The following RBMS3 variants were observed in gnomAD, a reference collection of about 807,000 sequenced individuals.
RBMS3 encodes the protein RNA-binding motif, single-stranded-interacting protein 3.
RBMS3 carries 27 observed loss-of-function variants against 66.8 expected under a neutral mutation model. The observed-to-expected ratio is 0.40, with a 90% CI of 0.30 to 0.56. The LOEUF (loss-of-function observed/expected upper bound fraction) is 0.56. Among genes scored for constraint, RBMS3 ranks in the 20% least tolerant of loss-of-function variants. The pLI is 0.40. For missense variants in RBMS3, 513 were observed against 549.5 expected, an observed-to-expected ratio of 0.93 and a Z score of 0.66; for synonymous variants, 188 against 183.0, an observed-to-expected ratio of 1.03 and a Z score of -0.22.
intron 10 of RBMS3, among the ~76,000 whole-genome samples, chr3:29,929,835 T>C (rs2061060513): frequency 6.6e-6 from 1 of 152,060 alleles, no homozygotes; most frequent in Non-Finnish European, 1.5e-5. Context: ...CCAAATATCA[T>C]GCCAATTAGT....
intron 1 of RBMS3, among the ~76,000 whole-genome samples, chr3:29,295,344 T>TACAC (rs1230884878): frequency 4.2e-5 from 6 of 143,840 alleles, no homozygotes; most frequent in African/African-American, 1.5e-4. Context: ...CATATATATA[T>TACAC]ACATATATAT....
chr3:29,385,116 C>T (rs1177372181), intron 1 of RBMS3, among the ~76,000 whole-genome samples: 1 of 152,150 alleles, frequency 6.6e-6, no homozygotes. Context: ...TCCAGCATTA[C>T]CTGATGGTGT....
intron 4 of RBMS3, among the ~76,000 whole-genome samples, chr3:29,707,941 C>T (rs1440519): frequency 0.12 from 18,256 of 152,098 alleles, 2,342 homozygotes; most frequent in African/African-American, 0.32. Context: ...TAAGTTTCAT[C>T]GAACATCAAG....
chr3:29,355,704 A>T (rs1033302297), intron 1 of RBMS3, among the ~76,000 whole-genome samples: 2 of 152,146 alleles, frequency 1.3e-5, no homozygotes, highest in South Asian at 2.1e-4. Flanking sequence ...ATATGCCTTC[A>T]TTTCCAAAAT....
Position 29,392,370 on chromosome 3 carries a change from G to GT in RBMS3, c.76-42371dup, listed in dbSNP as rs543833260. On this transcript the variant is annotated intron_variant, in intron 1 of 14. Transcript: ENST00000383767. ...CTACCTGAAATAATCTTATTTTTTG[G>GT]TTACTTGTTTATTCCATCTCATCCA... Among the ~76,000 whole-genome samples, 8 of 152,166 alleles carry GT rather than the reference G, an allele frequency of 5.3e-5. No homozygotes were observed. In the South Asian group the frequency reaches 1.5e-3, roughly 28 times the overall value.
intron 10 of RBMS3, among the ~76,000 whole-genome samples, chr3:29,911,061 A>G (rs1384397385): frequency 1.3e-5 from 2 of 152,104 alleles, no homozygotes; most frequent in African/African-American, 4.8e-5. Context: ...AGGTATGTGC[A>G]AAGTCTATAA....
intron 6 of RBMS3, among the ~76,000 whole-genome samples, chr3:29,845,746 A>G (rs1036580630): frequency 6.6e-6 from 1 of 152,222 alleles, no homozygotes. Context: ...ATAAAAATAA[A>G]CTGTAATTTC....
intron 1 of RBMS3, among the ~76,000 whole-genome samples, chr3:29,401,011 A>G (rs973530274): frequency 1.3e-5 from 2 of 152,146 alleles, no homozygotes; most frequent in East Asian, 1.9e-4. Context: ...GATATAATCA[A>G]TATTGCTGTG....
intron 1 of RBMS3, among the ~76,000 whole-genome samples, chr3:29,322,384 T>C (rs2125493830): frequency 1.3e-5 from 2 of 152,236 alleles, no homozygotes; most frequent in South Asian, 4.1e-4. Context: ...TATAATCACT[T>C]TGGATGCCTT....
chr3:29,942,753 A>T (rs1281177647), intron 11 of RBMS3, among the ~76,000 whole-genome samples: 1 of 151,746 alleles, frequency 6.6e-6, no homozygotes, highest in Non-Finnish European at 1.5e-5. Flanking sequence ...TATTTATTTT[A>T]AAATGTCATA....
intron 6 of RBMS3, among the ~76,000 whole-genome samples, chr3:29,839,021 G>A (rs2058599060): frequency 6.6e-6 from 1 of 152,106 alleles, no homozygotes; most frequent in Non-Finnish European, 1.5e-5. Flanking sequence ...CCTCATTACG[G>A]GGTAAGTTCT....
intron 6 of RBMS3, among the ~76,000 whole-genome samples, chr3:29,838,331 C>A (rs985317203): frequency 6.6e-6 from 1 of 151,628 alleles, no homozygotes; most frequent in Non-Finnish European, 1.5e-5. Context: ...AGAGTGAGAC[C>A]CTGTCCAAAA....
At chr3:29,372,888 A>C (rs975389538) in intron 1 of RBMS3, among the ~76,000 whole-genome samples, 5 of 151,836 alleles carry the variant, frequency 3.3e-5, no homozygotes, top group South Asian at 4.1e-4. Flanking sequence ...GAGAGAAAAA[A>C]AAAAACAAAA....
At chr3:29,408,465 G>A (rs1365674745) in intron 1 of RBMS3, among the ~76,000 whole-genome samples, 2 of 151,744 alleles carry the variant, frequency 1.3e-5, no homozygotes, top group African/African-American at 4.8e-5. Context: ...TAAAAGTGAT[G>A]GTTTAGGAAA....
chr3:29,912,005 A>AG (rs1313683150), intron 10 of RBMS3, among the ~76,000 whole-genome samples: 32 of 152,134 alleles, frequency 2.1e-4, no homozygotes, highest in African/African-American at 7.7e-4. Context: ...ATAGATAGAT[A>AG]AATAGATGAT....
At chr3:29,390,935 G>A (rs2039263840) in intron 1 of RBMS3, 6 of 203,476 alleles carry the variant, frequency 2.9e-5, no homozygotes, top group South Asian at 1.4e-4. Flanking sequence ...CATCCATGAC[G>A]GCTACCATGG....
At chr3:29,858,732 C>T (rs1272588771) in intron 6 of RBMS3, among the ~76,000 whole-genome samples, 3 of 152,196 alleles carry the variant, frequency 2.0e-5, no homozygotes, top group Admixed American at 2.0e-4. Flanking sequence ...ACATTATTCC[C>T]CTTATGGGGC....
chr3:29,719,982 A>G (rs1027804300), intron 4 of RBMS3, among the ~76,000 whole-genome samples: 5 of 150,676 alleles, frequency 3.3e-5, no homozygotes, highest in Non-Finnish European at 7.4e-5. Context: ...ACTTAAATTC[A>G]TCAATGTCTT....
chr3:29,435,926 A>T (rs909965533), intron 2 of RBMS3, among the ~76,000 whole-genome samples: 1 of 151,248 alleles, frequency 6.6e-6, no homozygotes, highest in African/African-American at 2.4e-5. Context: ...GTGAGCCGAG[A>T]TCACGCCACT....
Sources: allele counts gnomAD v4.1 joint callset (sites outside exome capture counted in the v4.1 genomes callset), GRCh38; gene constraint gnomAD v4.1.1; transcripts MANE v1.5; gene names NCBI Gene and HGNC (gene_info 2026-07-23, HGNC 2026-07-21).